NUP210L: variants seen among roughly 807,000 people sequenced by gnomAD.
NUP210L encodes nuclear pore membrane glycoprotein 210-like.
NUP210L carries 74 observed loss-of-function variants against 208.5 expected under a neutral mutation model. The ratio of observed to expected loss-of-function variants is 0.35; its 90% CI spans 0.29 to 0.43. The LOEUF (loss-of-function observed/expected upper bound fraction) is 0.43. NUP210L is among the 20% of genes least tolerant of loss of function. The probability of loss-of-function intolerance (pLI) is 1.00; values close to 1 mark genes in which losing one functional copy is unlikely to be tolerated. For synonymous variants in NUP210L, 780 were observed against 816.9 expected (o/e 0.95, Z 0.77); for missense variants, 1,843 against 2,289.4 (o/e 0.81, Z 3.98).
intron 7 of NUP210L, among the ~76,000 whole-genome samples, chr1:154,132,986 G>T (rs1333982208): frequency 6.6e-6 from 1 of 152,172 alleles, no homozygotes; most frequent in African/African-American, 2.4e-5. Context: ...GCAGGGCTAC[G>T]CTATAGACAG....
At chr1:154,026,454 T>C (rs1426804549) in intron 29 of NUP210L, among the ~76,000 whole-genome samples, 1 of 152,044 alleles carries the variant, frequency 6.6e-6, no homozygotes, top group Non-Finnish European at 1.5e-5. Context: ...GTTCAAGTGA[T>C]TCCCCTGCCT....
At chr1:154,049,548 C>T (rs887389176) in intron 25 of NUP210L, among the ~76,000 whole-genome samples, 1 of 151,994 alleles carries the variant, frequency 6.6e-6, no homozygotes, top group African/African-American at 2.4e-5. Flanking sequence ...GAACAATGGC[C>T]GTTAAGTAAA....
At chr1:154,016,230 T>C (rs1651239732) in intron 33 of NUP210L, among the ~76,000 whole-genome samples, 1 of 151,526 alleles carries the variant, frequency 6.6e-6, no homozygotes, top group African/African-American at 2.4e-5. Context: ...TATTCCAGCC[T>C]GGGCAACAGT....
chr1:154,033,051 A>G (rs1652348384), intron 27 of NUP210L, among the ~76,000 whole-genome samples: 1 of 152,066 alleles, frequency 6.6e-6, no homozygotes, highest in Admixed American at 6.6e-5. Context: ...AAGGGAAGGA[A>G]GGAAATATCT....
At chr1:154,096,519 G>C (rs1283990583) in intron 14 of NUP210L, among the ~76,000 whole-genome samples, 1 of 152,166 alleles carries the variant, frequency 6.6e-6, no homozygotes, top group African/African-American at 2.4e-5. Flanking sequence ...CCAGCACTTT[G>C]GGAGGCTGAG....
intron 7 of NUP210L, among the ~76,000 whole-genome samples, chr1:154,130,395 C>T (rs1195714349): frequency 6.6e-6 from 1 of 151,826 alleles, no homozygotes; most frequent in East Asian, 2.0e-4. Flanking sequence ...GCCTCAGACT[C>T]CCAAGTAGCT....
chr1:154,141,474 G>A lies in NUP210L; in HGVS notation c.523C>T (p.Gln175Ter), dbSNP rs373125066. The change falls in exon 4 of 40, where the codon CAG (glutamine) becomes TAG (stop). Residue 175 changes from glutamine to a stop codon, truncating the protein, a stop_gained. Coordinates refer to ENST00000368559, the Ensembl canonical transcript of NUP210L. LOFTEE classifies it high-confidence loss of function. ...TCTTCTCTTGCTGACTCGTTGTCCT[G>A]GGCAATGCTCCACTCAAACATCATC... The A allele has an allele frequency of 1.9e-6, 3 of 1,612,740 alleles. No homozygotes were observed. The highest frequency in any genetic ancestry group is 2.5e-6 in the Non-Finnish European group (3 of 1,178,980).
chr1:154,122,544 T>C (rs547753185), intron 10 of NUP210L, among the ~76,000 whole-genome samples: 2 of 152,180 alleles, frequency 1.3e-5, no homozygotes, highest in Non-Finnish European at 2.9e-5. Context: ...TAGTCCCAGC[T>C]ACTCAGAGGC....
chr1:154,000,807 CT>C, intron 37 of NUP210L, 48 bp downstream of exon 37: 12 of 1,529,956 alleles, frequency 7.8e-6, no homozygotes, highest in Non-Finnish European at 1.1e-5. Context: ...GTAATACATT[CT>C]TTCTTCTTTT....
chr1:154,055,020 C>G (rs1381974435), intron 23 of NUP210L, among the ~76,000 whole-genome samples, 188 bp from the exon 24 acceptor site: 2 of 152,062 alleles, frequency 1.3e-5, no homozygotes, highest in African/African-American at 2.4e-5. Context: ...CCGGCTTTGG[C>G]CTCCTGAGTG....
At chr1:154,083,126 A>G (rs1655437831) in intron 16 of NUP210L, among the ~76,000 whole-genome samples, 1 of 152,162 alleles carries the variant, frequency 6.6e-6, no homozygotes, top group African/African-American at 2.4e-5. Flanking sequence ...GCAACCGAGC[A>G]GGTTGCCACT....
chr1:154,136,190 G>A (rs961173909), intron 6 of NUP210L, among the ~76,000 whole-genome samples: 2 of 152,168 alleles, frequency 1.3e-5, no homozygotes, highest in South Asian at 2.1e-4. Flanking sequence ...TGGTGGCTCC[G>A]CCTGTAATCC....
chr1:154,019,302 C>T (rs1161966640), intron 32 of NUP210L, among the ~76,000 whole-genome samples: 1 of 152,096 alleles, frequency 6.6e-6, no homozygotes, highest in East Asian at 1.9e-4. Context: ...AACTGTTCTC[C>T]TTGGGAAAAA....
chr1:154,104,501 A>C (rs1361510081), intron 12 of NUP210L: 1 of 350,756 alleles, frequency 2.9e-6, no homozygotes, highest in Non-Finnish European at 5.4e-6. Flanking sequence ...GGCAGCAGCC[A>C]CATGGGGCAG....
chr1:154,087,929 A>G (rs1036990040), intron 16 of NUP210L, among the ~76,000 whole-genome samples: 5 of 152,200 alleles, frequency 3.3e-5, no homozygotes, highest in Admixed American at 6.6e-5. Flanking sequence ...CGGGGCTAGG[A>G]AATGGAGGAA....
At chr1:154,008,395 C>CA (rs1284917569) in intron 35 of NUP210L, among the ~76,000 whole-genome samples, 1 of 151,766 alleles carries the variant, frequency 6.6e-6, no homozygotes, top group Non-Finnish European at 1.5e-5. Context: ...CACAAACAAA[C>CA]AAACAAGCAA....
At chr1:153,996,017 G>T (rs1649836678) in intron 37 of NUP210L, 3 of 374,464 alleles carry the variant, frequency 8.0e-6, no homozygotes, top group East Asian at 7.0e-5. Flanking sequence ...ATGCGGCCTG[G>T]CGTGGTGGCT....
intron 15 of NUP210L, among the ~76,000 whole-genome samples, chr1:154,091,747 C>T (rs907769842): frequency 2.0e-5 from 3 of 151,558 alleles, no homozygotes; most frequent in African/African-American, 7.3e-5. Context: ...ATGATCTGCC[C>T]GCTTCGGTCT....
exon 38 of NUP210L, chr1:153,995,119 C>T: frequency 6.2e-7 from 1 of 1,613,834 alleles, no homozygotes. Flanking sequence ...CAAAGAGGGT[C>T]AAGAGCAGGA....
Sources: gnomAD v4.1 joint callset for allele counts (sites outside exome capture counted in the v4.1 genomes callset) on GRCh38, gnomAD v4.1.1 for gene constraint, MANE v1.5 for transcripts, NCBI Gene and HGNC (gene_info 2026-07-23, HGNC 2026-07-21) for gene names.